Variants in MECOM observed in about 807,000 individuals in gnomAD.
The protein encoded by MECOM is MDS1 and EVI1 complex locus, also known as histone-lysine N-methyltransferase MECOM.
In MECOM, 13 loss-of-function variants were observed where a neutral mutation model predicts 116.3. The ratio of observed to expected loss-of-function variants is 0.11; its 90% CI spans 0.07 to 0.18. The LOEUF is 0.18. Ranked by LOEUF, MECOM falls within the 10% of genes least tolerant of loss-of-function variation. The pLI is 1.00. For missense variants in MECOM, 1,299 were observed against 1,509.0 expected, an observed-to-expected ratio of 0.86 and a Z score of 2.31; for synonymous variants, 528 against 535.2, an observed-to-expected ratio of 0.99 and a Z score of 0.19.
intron 1 of MECOM, among the ~76,000 whole-genome samples, chr3:169,455,153 T>C (rs1210417465): frequency 6.6e-6 from 1 of 152,144 alleles, no homozygotes; most frequent in Non-Finnish European, 1.5e-5. Flanking sequence ...CATTATAAGG[T>C]TAGCTCCAGA....
chr3:169,447,418 G>A lies in MECOM; in HGVS notation c.38-65894C>T, dbSNP rs547318103. On this transcript the variant is annotated intron_variant, in intron 1 of 16. Coordinates refer to ENST00000651503, the MANE Select transcript of MECOM (RefSeq NM_004991.4). ...TAGGTTAAGATCACAAGAAGAGGTG[G>A]ATGGTTATCTACTATCTCCCCCCAC... Among the ~76,000 whole-genome samples the A allele has an allele frequency of 2.0e-5, 3 of 152,228 alleles. No homozygotes were observed. In the South Asian group the frequency reaches 6.2e-4, roughly 32 times the overall value.
At chr3:169,364,718 C>T (rs940237413) in intron 2 of MECOM, among the ~76,000 whole-genome samples, 1 of 152,000 alleles carries the variant, frequency 6.6e-6, no homozygotes, top group African/African-American at 2.4e-5. Flanking sequence ...TCCAGATGGT[C>T]CTGCATCTTT....
intron 1 of MECOM, among the ~76,000 whole-genome samples, chr3:169,649,972 C>T (rs73032041): frequency 3.3e-5 from 5 of 152,144 alleles, no homozygotes; most frequent in Admixed American, 2.6e-4. Flanking sequence ...ATTTTTGTAA[C>T]CTTCTGTGTA....
intron 2 of MECOM, among the ~76,000 whole-genome samples, chr3:169,267,818 A>T: frequency 6.6e-6 from 1 of 152,260 alleles, no homozygotes; most frequent in South Asian, 2.1e-4. Context: ...TGGAGGAACT[A>T]GAGAAACACG....
Position 169,485,907 on chromosome 3 carries a change from ATATG to A in MECOM, c.38-104387_38-104384del, listed in dbSNP as rs1209435783. Among the ~76,000 whole-genome samples the A allele has an allele frequency of 2.0e-3, 254 of 125,542 alleles. 1 individual carries two copies. The highest frequency in any genetic ancestry group is 6.8e-3 in the African/African-American group (214 of 31,656). 82.4% of individuals were successfully genotyped at this position (125,542 alleles called of 152,430 possible). A position where few individuals can be genotyped will look rare whatever the true frequency, so the allele number is the denominator to read the frequency against. On this transcript the variant is annotated intron_variant, in intron 1 of 16. Coordinates refer to ENST00000651503, the MANE Select transcript of MECOM (RefSeq NM_004991.4). Reference sequence around the variant, plus strand: ...TATGTATATATAGTATATATAGTATATATGTATGTATATATAGTATATATAGTAT... The same window carrying A: ...TATGTATATATAGTATATATAGTATATATGTATATATAGTATATATAGTAT...
At chr3:169,333,895 TCCTC>T (rs1185717730) in intron 2 of MECOM, among the ~76,000 whole-genome samples, 36 of 148,174 alleles carry the variant, frequency 2.4e-4, no homozygotes, top group South Asian at 1.6e-3. Flanking sequence ...CTTCCTTCCT[TCCTC>T]CCTCCCTCCC....
At chr3:169,141,453 G>A (rs1738084052) in intron 3 of MECOM, among the ~76,000 whole-genome samples, 1 of 151,998 alleles carries the variant, frequency 6.6e-6, no homozygotes, top group Non-Finnish European at 1.5e-5. Flanking sequence ...TGTTCATTAT[G>A]TGATGAGTTG....
chr3:169,341,338 A>T (rs1281857694), intron 2 of MECOM, among the ~76,000 whole-genome samples: 5 of 152,034 alleles, frequency 3.3e-5, no homozygotes, highest in Admixed American at 2.0e-4. Context: ...TGGGATCTAA[A>T]AATCAAAACA....
At chr3:169,314,995 C>A (rs578171387) in intron 2 of MECOM, among the ~76,000 whole-genome samples, 1 of 152,278 alleles carries the variant, frequency 6.6e-6, no homozygotes, top group Admixed American at 6.5e-5. Flanking sequence ...AGTTCCCATG[C>A]CTTCAATTCC....
At chr3:169,134,880 T>C (rs562210670) in intron 3 of MECOM, among the ~76,000 whole-genome samples, 22 of 152,224 alleles carry the variant, frequency 1.4e-4, no homozygotes, top group African/African-American at 4.8e-4. Context: ...TGAAACAATA[T>C]AGTGGGGAAA....
chr3:169,115,001 C>T (rs1728681724), intron 8 of MECOM, among the ~76,000 whole-genome samples: 1 of 152,106 alleles, frequency 6.6e-6, no homozygotes, highest in African/African-American at 2.4e-5. Flanking sequence ...CCCCCCATTC[C>T]AAAGAACCTG....
At chr3:169,476,385 A>T (rs1487741526) in intron 1 of MECOM, among the ~76,000 whole-genome samples, 1 of 152,216 alleles carries the variant, frequency 6.6e-6, no homozygotes, top group Non-Finnish European at 1.5e-5. Context: ...AACATCACTC[A>T]GATCTATGTT....
intron 2 of MECOM, chr3:169,146,229 C>G (rs551259622): frequency 8.9e-7 from 1 of 1,117,512 alleles, no homozygotes; most frequent in East Asian, 4.4e-5. Flanking sequence ...TCCCCACAAT[C>G]TAGCCAAAGG....
intron 1 of MECOM, among the ~76,000 whole-genome samples, chr3:169,538,624 T>A (rs1244763488): frequency 6.6e-6 from 1 of 152,202 alleles, no homozygotes; most frequent in African/African-American, 2.4e-5. Context: ...CTGTGTGACA[T>A]TTAGCAAATC....
chr3:169,443,188 T>C (rs1029610926), intron 1 of MECOM, among the ~76,000 whole-genome samples: 6 of 152,230 alleles, frequency 3.9e-5, no homozygotes, highest in Admixed American at 3.9e-4. Context: ...ATATTGCTAA[T>C]GGAAATTCCA....
At chr3:169,244,303 G>A (rs1318977186) in intron 2 of MECOM, among the ~76,000 whole-genome samples, 1 of 152,208 alleles carries the variant, frequency 6.6e-6, no homozygotes, top group Non-Finnish European at 1.5e-5. Flanking sequence ...GTTTACTGCT[G>A]CAAATGTTCT....
intron 3 of MECOM, among the ~76,000 whole-genome samples, chr3:169,136,603 T>C (rs923556693): frequency 6.6e-6 from 1 of 152,020 alleles, no homozygotes; most frequent in African/African-American, 2.4e-5. Context: ...TTTTATACTT[T>C]GAAGGACTGC....
At chr3:169,108,180 A>G (rs1472182956) in intron 9 of MECOM, among the ~76,000 whole-genome samples, 1 of 152,212 alleles carries the variant, frequency 6.6e-6, no homozygotes, top group Non-Finnish European at 1.5e-5. Flanking sequence ...AATTTCCACA[A>G]GAAAGCTAAA....
chr3:169,376,912 C>T (rs1731138533), intron 2 of MECOM, among the ~76,000 whole-genome samples: 1 of 152,150 alleles, frequency 6.6e-6, no homozygotes, highest in South Asian at 2.1e-4. Context: ...TGTCACGCTG[C>T]CTGACTTCAA....
Sources: allele counts gnomAD v4.1 joint callset (sites outside exome capture counted in the v4.1 genomes callset), GRCh38; gene constraint gnomAD v4.1.1; transcripts MANE v1.5; gene names NCBI Gene and HGNC (gene_info 2026-07-23, HGNC 2026-07-21).